The following RNF19A variants were observed in gnomAD, a reference collection of about 807,000 sequenced individuals.
RNF19A encodes the protein E3 ubiquitin-protein ligase RNF19A.
A neutral mutation model predicts 75.7 loss-of-function variants in RNF19A; 32 were observed. The ratio of observed to expected loss-of-function variants is 0.42; its 90% CI spans 0.32 to 0.57. RNF19A has a LOEUF of 0.57. RNF19A is among the 20% of genes least tolerant of loss of function. The pLI is 0.10. For missense variants in RNF19A, 782 were observed against 1,036.3 expected, an observed-to-expected ratio of 0.75 and a Z score of 3.37; for synonymous variants, 335 against 345.2, an observed-to-expected ratio of 0.97 and a Z score of 0.33.
intron 1 of RNF19A, among the ~76,000 whole-genome samples, chr8:100,306,035 A>T (rs1474330552): frequency 6.6e-6 from 1 of 152,168 alleles, no homozygotes; most frequent in African/African-American, 2.4e-5. Flanking sequence ...TCCCTCTAAC[A>T]ACTCTGGCTC....
At chr8:100,335,241 A>G (rs1228291983) in intron 1 of RNF19A, among the ~76,000 whole-genome samples, 1 of 152,228 alleles carries the variant, frequency 6.6e-6, no homozygotes, top group African/African-American at 2.4e-5. Flanking sequence ...ACAATTTTTA[A>G]CACTTACTGT....
chr8:100,259,588 C>A lies in RNF19A; in HGVS notation c.1826+266G>T, dbSNP rs534432452. Among the ~76,000 whole-genome samples, 70 of 152,222 alleles carry A rather than the reference C, an allele frequency of 4.6e-4. No homozygotes were observed. Among genetic ancestry groups the A allele is most frequent in the African/African-American group, 1.4e-3 (60 of 41,538 alleles). ...CAGAGCTGTGCAACCATCACCACTA[C>A]CTAACTTCAGAACATTTTCATGATC... On this transcript the variant is annotated intron_variant, in intron 9 of 9. Coordinates refer to ENST00000341084, the MANE Select transcript of RNF19A (RefSeq NM_183419.4). This position sits in a 1 kb window ranked among gnomAD's most constrained non-coding sequence, Gnocchi z 4.5.
In RNF19A at chr8:100,258,530, G is replaced by T. The variant is rs113974400; in HGVS notation, c.*26C>A. 1 of 1,561,708 alleles carries T rather than the reference G, an allele frequency of 6.4e-7. No homozygotes were observed. Among genetic ancestry groups the T allele is most frequent in the Non-Finnish European group, 8.7e-7 (1 of 1,145,798 alleles). ...CAGCTCCAAACACGGTTGTACAGTG[G>T]TAATTATTCTGCAGCATTTATGGGC... On this transcript the variant is annotated 3_prime_UTR_variant, in exon 10 of 10. Transcript: ENST00000341084. This position sits in a 1 kb window ranked among gnomAD's most constrained non-coding sequence, Gnocchi z 4.3.
In RNF19A at chr8:100,260,800, T is replaced by G. The variant is rs1056667841; in HGVS notation, c.1682+742A>C. On this transcript the variant is annotated intron_variant, in intron 8 of 9. Coordinates refer to ENST00000341084, the MANE Select transcript of RNF19A (RefSeq NM_183419.4). The surrounding 1 kb of genome is among the most constrained non-coding windows in gnomAD (Gnocchi z 4.1). ...TCTATATGGCTATTGATAAAAGACT[T>G]GGTGAGAACAAAGTAAGCAAGCATT... Among the ~76,000 whole-genome samples the G allele has an allele frequency of 1.3e-4, 20 of 152,202 alleles. No homozygotes were observed. Among genetic ancestry groups the G allele is most frequent in the Non-Finnish European group, 1.6e-4 (11 of 68,036 alleles).
Position 100,264,847 on chromosome 8 carries a change from T to C in RNF19A, c.1192-62A>G, listed in dbSNP as rs1308325833. 2 of 1,232,692 alleles carry C rather than the reference T, an allele frequency of 1.6e-6. No homozygotes were observed. Among genetic ancestry groups the C allele is most frequent in the Non-Finnish European group, 1.2e-6 (1 of 840,506 alleles). The allele number at this position is 1,232,692 out of a possible 1,614,324, so 76.4% of individuals were successfully genotyped here. ...GAAAATACATTACAATTTAACTTAG[T>C]TGAAAAAGATCTATACTTGCTAAAG... is the stretch of plus-strand genomic sequence containing the variant. On this transcript the variant is annotated intron_variant, in intron 5 of 9. Transcript: ENST00000341084. The surrounding 1 kb of genome is among the most constrained non-coding windows in gnomAD (Gnocchi z 4.7).
In RNF19A at chr8:100,324,796, CTT is replaced by C. The variant is rs1371344308; in HGVS notation, c.-243+11310_-243+11311del. Among the ~76,000 whole-genome samples, 2 of 151,806 alleles carry C rather than the reference CTT, an allele frequency of 1.3e-5. No individual in the cohort carries two copies. Among genetic ancestry groups the C allele is most frequent in the African/African-American group, 4.8e-5 (2 of 41,370 alleles). On this transcript the variant is annotated intron_variant, in intron 1 of 3. Transcript: ENST00000519527. The surrounding 1 kb of genome is among the most constrained non-coding windows in gnomAD (Gnocchi z 4.2). ...AGGCATTGATCTATCTTTTTTCTTTCTTTCTCTTTCTTCTTCCTTCCTTCCTT... is the reference window on the plus strand; with the variant it reads ...AGGCATTGATCTATCTTTTTTCTTTCTCTCTTTCTTCTTCCTTCCTTCCTT...
intron 1 of RNF19A, among the ~76,000 whole-genome samples, chr8:100,290,290 C>A (rs1821229704): frequency 6.6e-6 from 1 of 152,098 alleles, no homozygotes. Flanking sequence ...TTAGTAGAGA[C>A]AAGGTTTCAC....
chr8:100,276,458 G>A (rs1820517793), intron 2 of RNF19A, among the ~76,000 whole-genome samples: 1 of 151,856 alleles, frequency 6.6e-6, no homozygotes, highest in Non-Finnish European at 1.5e-5. Context: ...GTGATTATAA[G>A]AGAGCAACAC....
intron 1 of RNF19A, among the ~76,000 whole-genome samples, chr8:100,334,228 G>A (rs763616690): frequency 3.3e-5 from 5 of 152,140 alleles, no homozygotes; most frequent in Admixed American, 1.3e-4. Context: ...AATGCTTCAC[G>A]GTTCTGCCAC....
chr8:100,270,679 T>G (rs867784958), intron 3 of RNF19A, among the ~76,000 whole-genome samples: 9 of 152,242 alleles, frequency 5.9e-5, no homozygotes, highest in Middle Eastern at 3.4e-3. Flanking sequence ...AAGGGTCATA[T>G]GGCTATGAAC....
At chr8:100,311,934 A>G (rs1316215870), upstream of RNF19A, among the ~76,000 whole-genome samples, 3 of 152,096 alleles carry the variant, frequency 2.0e-5, no homozygotes. Flanking sequence ...ATTCTTCACT[A>G]GGCCAAATAA....
upstream of RNF19A, chr8:100,310,240 T>C (rs1040697371): frequency 1.4e-5 from 14 of 985,008 alleles, no homozygotes; most frequent in African/African-American, 2.3e-4. Flanking sequence ...CGGGCGGCTC[T>C]GGACGCGGCT....
intron 1 of RNF19A, 57 bp downstream of exon 1, chr8:100,309,810 G>C: frequency 1.0e-6 from 1 of 985,592 alleles, no homozygotes; most frequent in South Asian, 4.7e-5. Flanking sequence ...TCGTAAGCGA[G>C]AGCCGCCCCT....
Position 100,284,446 on chromosome 8 carries a change from T to C in RNF19A, c.674+3055A>G, listed in dbSNP as rs552174189. On this transcript the variant is annotated intron_variant, in intron 2 of 9. Transcript: ENST00000341084. The surrounding 1 kb of genome is among the most constrained non-coding windows in gnomAD (Gnocchi z 4.3). ...AAATAAAATACACAAAAGTAATCTC[T>C]GTGACTTTTTTTCCTCTGTCCTTTG... Among the ~76,000 whole-genome samples the C allele has an allele frequency of 1.3e-5, 2 of 152,280 alleles. No homozygotes were observed. Among genetic ancestry groups the C allele is most frequent in the African/African-American group, 4.8e-5 (2 of 41,562 alleles).
chr8:100,298,904 G>A (rs1414358386), intron 1 of RNF19A, among the ~76,000 whole-genome samples: 1 of 152,126 alleles, frequency 6.6e-6, no homozygotes, highest in Non-Finnish European at 1.5e-5. Flanking sequence ...AAAACCACAG[G>A]GAAAGCAGAG....
At chr8:100,335,058 T>C (rs974979405) in intron 1 of RNF19A, among the ~76,000 whole-genome samples, 1 of 152,202 alleles carries the variant, frequency 6.6e-6, no homozygotes, top group Non-Finnish European at 1.5e-5. Context: ...AATACACAAT[T>C]TTTATGACAG....
At chr8:100,308,805 T>C (rs1415402364) in intron 1 of RNF19A, among the ~76,000 whole-genome samples, 1 of 152,196 alleles carries the variant, frequency 6.6e-6, no homozygotes, top group Admixed American at 6.5e-5. Context: ...CTAGCCAACA[T>C]CTAGGTTTGA....
upstream of RNF19A, chr8:100,310,360 G>T (rs1442587288): frequency 3.6e-6 from 2 of 554,954 alleles, no homozygotes; most frequent in Admixed American, 6.3e-5. Context: ...ACTTCGCCTC[G>T]AGCGCGCCGG....
Position 100,261,459 on chromosome 8 carries a change from T to A in RNF19A, c.1682+83A>T. The A allele has an allele frequency of 8.4e-7, 1 of 1,194,378 alleles. No homozygotes were observed. The allele number at this position is 1,194,378 out of a possible 1,614,324, so 74.0% of individuals were successfully genotyped here. A position where few individuals can be genotyped will look rare whatever the true frequency, so the allele number is the denominator to read the frequency against. On this transcript the variant is annotated intron_variant, in intron 8 of 9. Coordinates refer to ENST00000341084, the MANE Select transcript of RNF19A (RefSeq NM_183419.4). This position sits in a 1 kb window ranked among gnomAD's most constrained non-coding sequence, Gnocchi z 4.4. ...GACATAGTAGGGTTATATATAATCA[T>A]CATGCTTTATGTTCAAAATTCTCAC...
Sources: gnomAD v4.1 joint callset for allele counts (sites outside exome capture counted in the v4.1 genomes callset) on GRCh38, gnomAD v4.1.1 for gene constraint, Gnocchi (gnomAD v3.1) non-coding constraint, MANE v1.5 for transcripts, NCBI Gene and HGNC (gene_info 2026-07-23, HGNC 2026-07-21) for gene names.